Variants in VPS39 observed in about 807,000 individuals in gnomAD.
VPS39 encodes the protein vam6/Vps39-like protein.
VPS39 carries 70 observed loss-of-function variants against 121.0 expected under a neutral mutation model. The observed-to-expected ratio is 0.58, with a 90% CI of 0.48 to 0.71. VPS39 has a LOEUF of 0.71. Among genes scored for constraint, VPS39 ranks in the 30% least tolerant of loss-of-function variants. The pLI is 0.00. For synonymous variants in VPS39, 378 were observed against 398.1 expected, an observed-to-expected ratio of 0.95 and a Z score of 0.60; for missense variants, 818 against 1,051.5, an observed-to-expected ratio of 0.78 and a Z score of 3.07.
At chr15:42,162,778 G>T in intron 21 of VPS39, 1 of 267,478 alleles carries the variant, frequency 3.7e-6, no homozygotes, top group East Asian at 7.4e-5. Flanking sequence ...CATTTCCTTT[G>T]GCTTTAAAAG....
intron 10 of VPS39, among the ~76,000 whole-genome samples, chr15:42,177,176 A>C (rs937381168): frequency 3.6e-4 from 55 of 151,372 alleles, no homozygotes; most frequent in African/African-American, 1.2e-3. Context: ...AAAAAAAAAA[A>C]AAAAAAAAAA....
At chr15:42,166,368 C>T (rs1039824202) in intron 15 of VPS39, 136 bp from the exon 16 acceptor site, 20 of 1,131,792 alleles carry the variant, frequency 1.8e-5, no homozygotes, top group Non-Finnish European at 1.3e-6. Flanking sequence ...GGGTTGTTAG[C>T]CCTACTGGGC....
intron 10 of VPS39, among the ~76,000 whole-genome samples, chr15:42,177,181 A>C (rs1026579908): frequency 6.6e-6 from 1 of 151,184 alleles, no homozygotes; most frequent in African/African-American, 2.4e-5. Context: ...AAAAAAAAAA[A>C]AAAAAAAACC....
At chr15:42,164,605 A>G in intron 18 of VPS39, 119 bp from the exon 19 acceptor site, 3 of 1,468,472 alleles carry the variant, frequency 2.0e-6, no homozygotes, top group Non-Finnish European at 2.7e-6. Flanking sequence ...AAGGGCCTCC[A>G]GGGTGGCTTC....
At chr15:42,171,260 G>C (rs666511) in intron 11 of VPS39, among the ~76,000 whole-genome samples, 4 of 152,104 alleles carry the variant, frequency 2.6e-5, no homozygotes, top group African/African-American at 9.7e-5. Flanking sequence ...TGAAAATCTG[G>C]TTCCACCCAG....
intron 17 of VPS39, 176 bp downstream of exon 17, chr15:42,165,542 G>A (rs890937718): frequency 1.8e-5 from 10 of 555,034 alleles, no homozygotes; most frequent in Middle Eastern, 2.8e-4. Context: ...GATTTGGTAG[G>A]TAGCATTTCC....
At chr15:42,161,660 C>T in intron 24 of VPS39, 22 bp downstream of exon 24, 1 of 1,611,440 alleles carries the variant, frequency 6.2e-7, no homozygotes, top group Non-Finnish European at 8.5e-7. Context: ...CCAGATGCCA[C>T]ACAGGTGTGA....
In VPS39 at chr15:42,188,823, G is replaced by A. The variant is rs184896588; in HGVS notation, c.342+291C>T. On this transcript the variant is annotated intron_variant, in intron 5 of 24. Transcript: ENST00000318006. Reference sequence around the variant, plus strand: ...ATTTAAAAAAATACAAAAAATAGCCGGACGTGGTGGTGCACACCTGTAGTC... The same window carrying A: ...ATTTAAAAAAATACAAAAAATAGCCAGACGTGGTGGTGCACACCTGTAGTC... 4.5e-4 allele frequency among the ~76,000 whole-genome samples: 69 copies of A among 152,158 alleles called. 1 individual carries two copies. In the East Asian group the frequency reaches 6.9e-3, roughly 15 times the overall value.
chr15:42,161,977 T>C, intron 23 of VPS39, 55 bp downstream of exon 23: 1 of 1,610,198 alleles, frequency 6.2e-7, no homozygotes, highest in Admixed American at 1.7e-5. Flanking sequence ...ATGTGGACAT[T>C]GTCTCATACT....
At chr15:42,169,675 T>C in intron 12 of VPS39, 49 bp downstream of exon 12, 3 of 1,540,372 alleles carry the variant, frequency 1.9e-6, no homozygotes, top group Non-Finnish European at 2.6e-6. Flanking sequence ...AAGAAACAAG[T>C]ACTGAAACTC....
chr15:42,172,613 A>AAGTGGC (rs1310788346), intron 11 of VPS39, among the ~76,000 whole-genome samples: 1 of 152,154 alleles, frequency 6.6e-6, no homozygotes, highest in Non-Finnish European at 1.5e-5. Context: ...ACAACAGGGG[A>AAGTGGC]AGTGGCAGTG....
chr15:42,165,039 C>A lies in VPS39; in HGVS notation c.1854G>T (p.Lys618Asn), dbSNP rs1448775699. ...HNCLIQLYCE[K>N]VQGLMKEYLL... is the part of the protein sequence containing the mutation. ...GATACTCCTTCATCAGACCTTGCACCTTCTCACAGTATAGCTGGATCAGGC... is the reference window on the plus strand; with the variant it reads ...GATACTCCTTCATCAGACCTTGCACATTCTCACAGTATAGCTGGATCAGGC... The change falls in exon 18 of 25, where the codon AAG becomes AAT. Residue 618 changes from lysine (K) to asparagine (N), a missense_variant. Transcript: ENST00000318006. 7 of 1,614,242 alleles carry A rather than the reference C, an allele frequency of 4.3e-6. No homozygotes were observed. The Admixed American group carries it at 6.7e-5, about 15-fold the overall frequency.
intron 3 of VPS39, 35 bp from the exon 4 acceptor site, chr15:42,191,202 A>G: frequency 6.2e-7 from 1 of 1,610,926 alleles, no homozygotes; most frequent in South Asian, 1.1e-5. Flanking sequence ...CCAATTAAAC[A>G]TTTCTGACAA....
At chr15:42,192,127 A>G (rs2049841579) in intron 2 of VPS39, 1 of 1,535,986 alleles carries the variant, frequency 6.5e-7, no homozygotes, top group Admixed American at 2.0e-5. Flanking sequence ...AGAAAGTTAT[A>G]TACCATAAAA....
chr15:42,191,408 G>C (rs1427586876), intron 3 of VPS39, 88 bp downstream of exon 3: 1 of 1,353,852 alleles, frequency 7.4e-7, no homozygotes, highest in Non-Finnish European at 1.0e-6. Flanking sequence ...AGAGGATTCA[G>C]AGTTAATAAA....
intron 2 of VPS39, among the ~76,000 whole-genome samples, chr15:42,194,576 T>C (rs685521): frequency 0.15 from 22,796 of 151,746 alleles, 2,294 homozygotes; most frequent in African/African-American, 0.27. Flanking sequence ...TTACAAGAAG[T>C]GAAAAAACTA....
intron 1 of VPS39, among the ~76,000 whole-genome samples, chr15:42,206,715 T>A (rs1402333548): frequency 6.6e-6 from 1 of 152,204 alleles, no homozygotes; most frequent in Non-Finnish European, 1.5e-5. Flanking sequence ...TCTGTTCACG[T>A]GTATTTGTCC....
chr15:42,193,845 T>A (rs1294649446), intron 2 of VPS39, among the ~76,000 whole-genome samples: 2 of 134,114 alleles, frequency 1.5e-5, no homozygotes, highest in Non-Finnish European at 3.0e-5. Flanking sequence ...AGATTCCCTT[T>A]GTTCATAAAA....
intron 5 of VPS39, 133 bp downstream of exon 5, chr15:42,188,981 A>T (rs2049764145): frequency 1.2e-5 from 8 of 655,214 alleles, no homozygotes; most frequent in Non-Finnish European, 2.1e-5. Context: ...AAAAATAAAT[A>T]AATAAATAAT....
Sources: allele counts gnomAD v4.1 joint callset (sites outside exome capture counted in the v4.1 genomes callset), GRCh38; gene constraint gnomAD v4.1.1; transcripts MANE v1.5; gene names NCBI Gene and HGNC (gene_info 2026-07-23, HGNC 2026-07-21).